PTPRD: variants seen among roughly 807,000 people sequenced by gnomAD.
PTPRD encodes the protein receptor-type tyrosine-protein phosphatase delta.
A neutral mutation model predicts 214.5 loss-of-function variants in PTPRD; 34 were observed. The ratio of observed to expected loss-of-function variants is 0.16; its 90% CI spans 0.12 to 0.21. The LOEUF (loss-of-function observed/expected upper bound fraction) is 0.21, where lower values mean the gene tolerates loss of function less well. Among genes scored for constraint, PTPRD ranks in the 10% least tolerant of loss-of-function variants. The probability of loss-of-function intolerance (pLI) is 1.00; values close to 1 mark genes in which losing one functional copy is unlikely to be tolerated. For missense variants in PTPRD, 2,545 were observed against 2,398.7 expected (o/e 1.06, Z -1.27); for synonymous variants, 1,128 against 845.7 (o/e 1.33, Z -5.79).
At chr9:9,914,825 A>C (rs548578697) in intron 5 of PTPRD, among the ~76,000 whole-genome samples, 2 of 152,092 alleles carry the variant, frequency 1.3e-5, no homozygotes, top group African/African-American at 2.4e-5. Context: ...ATATGCCCCC[A>C]AACTAGCTAG....
chr9:8,752,742 G>C (rs1257627119), intron 11 of PTPRD, among the ~76,000 whole-genome samples: 4 of 152,134 alleles, frequency 2.6e-5, no homozygotes, highest in Middle Eastern at 6.8e-3. Context: ...TTCCCCAGAA[G>C]ACCTGACAGC....
At chr9:8,319,397 T>C (rs1368154332) in intron 45 of PTPRD, among the ~76,000 whole-genome samples, 1 of 151,986 alleles carries the variant, frequency 6.6e-6, no homozygotes, top group Non-Finnish European at 1.5e-5. Flanking sequence ...TGAATGGCCA[T>C]TGTTAAGACA....
intron 35 of PTPRD, among the ~76,000 whole-genome samples, chr9:8,435,880 T>C (rs1470578688): frequency 1.3e-5 from 2 of 152,232 alleles, no homozygotes; most frequent in Non-Finnish European, 2.9e-5. Context: ...TATCTTAATA[T>C]TAGCTCTAGC....
intron 35 of PTPRD, among the ~76,000 whole-genome samples, chr9:8,434,291 T>C (rs2095248281): frequency 6.6e-6 from 1 of 152,242 alleles, no homozygotes; most frequent in Non-Finnish European, 1.5e-5. Context: ...TAAAAATCTT[T>C]TTTACAGTAT....
rs962522610 is a variant in PTPRD, at chr9:9,493,111, A to G, written c.-237+81621T>C. Among the ~76,000 whole-genome samples, 5 of 151,856 alleles carry G rather than the reference A, an allele frequency of 3.3e-5. No homozygotes were observed. In the East Asian group the frequency reaches 9.7e-4, roughly 30 times the overall value. On this transcript the variant is annotated intron_variant, in intron 8 of 45. Transcript: ENST00000381196. ...CTAAAAGGCCTCTAAGTGTTCATGT[A>G]TCAGAATAATTTTACATCTCTCACT...
intron 36 of PTPRD, among the ~76,000 whole-genome samples, chr9:8,395,399 A>C (rs1445206261): frequency 6.6e-6 from 1 of 151,602 alleles, no homozygotes; most frequent in Non-Finnish European, 1.5e-5. Flanking sequence ...AGCAAAATCT[A>C]ATAAACATTT....
intron 5 of PTPRD, among the ~76,000 whole-genome samples, chr9:9,794,340 G>A (rs1205339174): frequency 6.6e-6 from 1 of 151,914 alleles, no homozygotes; most frequent in Non-Finnish European, 1.5e-5. Flanking sequence ...GGCCTTAAAG[G>A]ATGCTTAGAT....
intron 11 of PTPRD, among the ~76,000 whole-genome samples, chr9:8,940,261 ATCTC>A (rs112253790): frequency 2.1e-4 from 8 of 38,768 alleles, no homozygotes; most frequent in Admixed American, 7.8e-4. Context: ...CATTTCACAC[ATCTC>A]TCTCTCTCTC....
chr9:9,693,501 C>G (rs1226498345), intron 7 of PTPRD, among the ~76,000 whole-genome samples: 1 of 152,116 alleles, frequency 6.6e-6, no homozygotes. Context: ...TTCTTTATGA[C>G]TTACTCAGTC....
chr9:10,094,196 A>C (rs2098460867), intron 3 of PTPRD, among the ~76,000 whole-genome samples: 1 of 151,336 alleles, frequency 6.6e-6, no homozygotes, highest in Admixed American at 6.6e-5. Context: ...CTATCCTCCT[A>C]TTTATCCTAT....
In PTPRD at chr9:10,288,075, T is replaced by G. The variant is rs566268451; in HGVS notation, c.-545+52888A>C. Among the ~76,000 whole-genome samples, 4 of 148,764 alleles carry G rather than the reference T, an allele frequency of 2.7e-5. No individual in the cohort carries two copies. In the South Asian group the frequency reaches 8.4e-4, roughly 31 times the overall value. ...TGAATCAATTAAGAATTCAAAAATT[T>G]TTTCTAAAATACTTTAAAAATTTTG... is the stretch of plus-strand genomic sequence containing the variant. On this transcript the variant is annotated intron_variant, in intron 3 of 45. Coordinates refer to ENST00000381196, the MANE Select transcript of PTPRD (RefSeq NM_002839.4).
intron 39 of PTPRD, among the ~76,000 whole-genome samples, chr9:8,355,740 T>A (rs1306727130): frequency 6.6e-6 from 1 of 152,186 alleles, no homozygotes; most frequent in East Asian, 1.9e-4. Flanking sequence ...AACATGCTGC[T>A]AGGGACTGTG....
chr9:8,600,316 C>A (rs2094769743), intron 14 of PTPRD, among the ~76,000 whole-genome samples: 1 of 152,182 alleles, frequency 6.6e-6, no homozygotes, highest in Admixed American at 6.5e-5. Context: ...CGTATGTGAA[C>A]TCCAGGGGCA....
chr9:9,335,287 T>C (rs1055673531), intron 9 of PTPRD, among the ~76,000 whole-genome samples: 19 of 152,098 alleles, frequency 1.2e-4, no homozygotes, highest in African/African-American at 3.9e-4. Flanking sequence ...AATCTGATCA[T>C]TCTTCCATAA....
chr9:9,797,679 C>G (rs1384944778), intron 5 of PTPRD, among the ~76,000 whole-genome samples: 1 of 151,920 alleles, frequency 6.6e-6, no homozygotes, highest in Non-Finnish European at 1.5e-5. Flanking sequence ...AACCCTGTCT[C>G]TACTAAAAAT....
At chr9:9,517,325 G>C (rs1384306287) in intron 8 of PTPRD, among the ~76,000 whole-genome samples, 2 of 151,988 alleles carry the variant, frequency 1.3e-5, no homozygotes, top group African/African-American at 2.4e-5. Context: ...TGGAAATAGT[G>C]ATGACTAATT....
intron 5 of PTPRD, among the ~76,000 whole-genome samples, chr9:9,833,468 CAGGACCG>C (rs2055646106): frequency 6.6e-6 from 1 of 151,916 alleles, no homozygotes; most frequent in Non-Finnish European, 1.5e-5. Flanking sequence ...CACAGGACCA[CAGGACCG>C]AGGCGAAATT....
chr9:8,544,553 T>A (rs1192923439), intron 14 of PTPRD, among the ~76,000 whole-genome samples: 1 of 142,382 alleles, frequency 7.0e-6, no homozygotes, highest in Non-Finnish European at 1.5e-5. Context: ...CACTGCAACC[T>A]CCACCTCCTG....
intron 7 of PTPRD, among the ~76,000 whole-genome samples, chr9:9,637,905 C>T (rs2095822990): frequency 1.3e-5 from 2 of 152,210 alleles, no homozygotes; most frequent in South Asian, 4.1e-4. Context: ...CATGCCTTCA[C>T]AGATCTATAC....
Sources: allele counts gnomAD v4.1 joint callset (sites outside exome capture counted in the v4.1 genomes callset), GRCh38; gene constraint gnomAD v4.1.1; transcripts MANE v1.5; gene names NCBI Gene and HGNC (gene_info 2026-07-23, HGNC 2026-07-21).